The following RBFOX1 variants were observed in gnomAD, a reference collection of about 807,000 sequenced individuals.
RBFOX1 encodes the protein RNA binding protein fox-1 homolog 1.
In RBFOX1, 8 loss-of-function variants were observed where a neutral mutation model predicts 57.7. The ratio of observed to expected loss-of-function variants is 0.14; its 90% CI spans 0.08 to 0.25. The LOEUF (loss-of-function observed/expected upper bound fraction) is 0.25, where lower values mean the gene tolerates loss of function less well. RBFOX1 is among the 10% of genes least tolerant of loss of function. The probability of loss-of-function intolerance (pLI) is 1.00; values close to 1 mark genes in which losing one functional copy is unlikely to be tolerated. For synonymous variants in RBFOX1, 326 were observed against 222.4 expected (o/e 1.47, Z -4.15); for missense variants, 611 against 548.5 (o/e 1.11, Z -1.14).
At chr16:6,772,425 CGTGTGT>C (rs138817907) in intron 3 of RBFOX1, among the ~76,000 whole-genome samples, 1 of 146,806 alleles carries the variant, frequency 6.8e-6, no homozygotes, top group Admixed American at 6.7e-5. Context: ...TGCGCACGTG[CGTGTGT>C]GTGTGTGTGT....
At chr16:5,543,319 C>G (rs917201459) in intron 2 of RBFOX1, among the ~76,000 whole-genome samples, 1 of 151,892 alleles carries the variant, frequency 6.6e-6, no homozygotes, top group Non-Finnish European at 1.5e-5. Context: ...AAAAATTAAA[C>G]AGAAACATGG....
At chr16:5,743,730 A>G (rs1481010234) in intron 3 of RBFOX1, among the ~76,000 whole-genome samples, 1 of 152,158 alleles carries the variant, frequency 6.6e-6, no homozygotes, top group Non-Finnish European at 1.5e-5. Context: ...TTTTGTACAC[A>G]TAAGGCCTTG....
At chr16:7,203,812 C>A (rs1463721122) in intron 4 of RBFOX1, among the ~76,000 whole-genome samples, 1 of 152,174 alleles carries the variant, frequency 6.6e-6, no homozygotes, top group Non-Finnish European at 1.5e-5. Flanking sequence ...GCCTTCCCAG[C>A]AAGTGATTGT....
At chr16:5,554,302 C>G (rs2045586309) in intron 2 of RBFOX1, among the ~76,000 whole-genome samples, 1 of 151,760 alleles carries the variant, frequency 6.6e-6, no homozygotes, top group Non-Finnish European at 1.5e-5. Context: ...CAATAATGAC[C>G]TAAAAGCATA....
intron 1 of RBFOX1, among the ~76,000 whole-genome samples, chr16:6,284,991 A>T (rs970777572): frequency 2.0e-5 from 3 of 152,182 alleles, no homozygotes; most frequent in African/African-American, 7.2e-5. Flanking sequence ...AATTCACAGG[A>T]ACAAGGGCTT....
intron 4 of RBFOX1, among the ~76,000 whole-genome samples, chr16:7,156,516 C>T (rs1320797296): frequency 1.3e-5 from 2 of 151,814 alleles, no homozygotes; most frequent in Admixed American, 6.6e-5. Flanking sequence ...TGTACACATG[C>T]ATGTAGATAT....
At chr16:5,586,870 G>A (rs769009826) in intron 2 of RBFOX1, among the ~76,000 whole-genome samples, 1 of 152,224 alleles carries the variant, frequency 6.6e-6, no homozygotes, top group African/African-American at 2.4e-5. Flanking sequence ...GACCAGGACA[G>A]TATCCTTGAA....
chr16:6,803,125 A>G lies in RBFOX1; in HGVS notation c.-16+148475A>G, dbSNP rs376623656. ...TGCAGACTCAAAACCTCTGAGCTAG[A>G]CCATGCCTTGATTTTTTTTTTCTTT... On this transcript the variant is annotated intron_variant, in intron 3 of 15. Transcript: ENST00000550418. 7.3e-5 allele frequency among the ~76,000 whole-genome samples: 11 copies of G among 151,246 alleles called. No homozygotes were observed. In the East Asian group the frequency reaches 1.5e-3, roughly 21 times the overall value.
intron 2 of RBFOX1, among the ~76,000 whole-genome samples, chr16:6,544,924 T>C (rs982269654): frequency 2.6e-5 from 4 of 152,198 alleles, no homozygotes; most frequent in African/African-American, 9.6e-5. Context: ...TGATTATTAG[T>C]TAAGAGTTTA....
intron 3 of RBFOX1, among the ~76,000 whole-genome samples, chr16:6,717,754 A>C (rs1603457517): frequency 6.6e-6 from 1 of 152,118 alleles, no homozygotes; most frequent in Non-Finnish European, 1.5e-5. Flanking sequence ...ATGTGTCATT[A>C]GTATGTGTTT....
intron 13 of RBFOX1, among the ~76,000 whole-genome samples, chr16:7,674,596 A>C (rs1393282843): frequency 1.3e-5 from 2 of 152,226 alleles, no homozygotes; most frequent in African/African-American, 4.8e-5. Flanking sequence ...ATAATATCAG[A>C]ATATTGACGA....
chr16:7,020,120 T>G (rs907459401), intron 3 of RBFOX1, among the ~76,000 whole-genome samples: 1 of 152,198 alleles, frequency 6.6e-6, no homozygotes, highest in Non-Finnish European at 1.5e-5. Flanking sequence ...ACAATTGTCA[T>G]GTCTCAGGCC....
At chr16:7,298,832 G>T (rs2141918499) in intron 4 of RBFOX1, among the ~76,000 whole-genome samples, 1 of 152,276 alleles carries the variant, frequency 6.6e-6, no homozygotes, top group Admixed American at 6.5e-5. Context: ...TTTTACATGA[G>T]GTAGGCTGAG....
At chr16:7,240,135 T>C (rs1363205255) in intron 4 of RBFOX1, among the ~76,000 whole-genome samples, 1 of 152,040 alleles carries the variant, frequency 6.6e-6, no homozygotes, top group East Asian at 1.9e-4. Context: ...CCTGGCTAAT[T>C]TTTGTATTTT....
chr16:6,093,467 G>C (rs571278189), intron 1 of RBFOX1, among the ~76,000 whole-genome samples: 1 of 152,060 alleles, frequency 6.6e-6, no homozygotes. Flanking sequence ...GATCTGGAAG[G>C]ATACTCAATA....
chr16:5,735,182 C>G (rs1451045423), intron 3 of RBFOX1, among the ~76,000 whole-genome samples: 5 of 152,108 alleles, frequency 3.3e-5, no homozygotes, highest in Non-Finnish European at 7.4e-5. Context: ...TATGATGGAA[C>G]CACCTTTTAA....
At chr16:6,924,347 A>C (rs1294040732) in intron 3 of RBFOX1, among the ~76,000 whole-genome samples, 4 of 151,988 alleles carry the variant, frequency 2.6e-5, no homozygotes, top group Non-Finnish European at 5.9e-5. Context: ...CATGTTGGGC[A>C]GGGAAGAGGA....
chr16:6,879,252 A>G (rs1167207081), intron 3 of RBFOX1, among the ~76,000 whole-genome samples: 2 of 152,178 alleles, frequency 1.3e-5, no homozygotes, highest in Admixed American at 6.5e-5. Flanking sequence ...ATTGGCTTTC[A>G]GTGAATTTAT....
intron 3 of RBFOX1, among the ~76,000 whole-genome samples, chr16:6,746,005 A>G (rs1568439396): frequency 2.0e-5 from 3 of 152,356 alleles, no homozygotes; most frequent in Admixed American, 2.0e-4. Context: ...ATTAAAGCTT[A>G]AAAATATCAT....
Sources: allele counts gnomAD v4.1 joint callset (sites outside exome capture counted in the v4.1 genomes callset), GRCh38; gene constraint gnomAD v4.1.1; transcripts MANE v1.5; gene names NCBI Gene and HGNC (gene_info 2026-07-23, HGNC 2026-07-21).